The following NKTR variants were observed in gnomAD, a reference collection of about 807,000 sequenced individuals.
NKTR encodes the protein natural killer cell triggering receptor, also known as NK-tumor recognition protein.
Under a neutral mutation model 156.3 loss-of-function variants are expected in NKTR, and 67 were observed. The ratio of observed to expected loss-of-function variants is 0.43; its 90% confidence interval spans 0.35 to 0.53. The LOEUF (loss-of-function observed/expected upper bound fraction) is 0.53, where lower values mean the gene tolerates loss of function less well. NKTR is among the 20% of genes least tolerant of loss of function. The probability of loss-of-function intolerance (pLI) is 0.01; values close to 1 mark genes in which losing one functional copy is unlikely to be tolerated. For synonymous variants in NKTR, 640 were observed against 596.6 expected, an observed-to-expected ratio of 1.07 and a Z score of -1.06; for missense variants, 1,604 against 1,730.9, an observed-to-expected ratio of 0.93 and a Z score of 1.30.
chr3:42,600,960 C>T lies in NKTR; in HGVS notation c.-23-24C>T, dbSNP rs1033950652. The T allele has an allele frequency of 4.7e-6, 7 of 1,490,400 alleles. No individual in the cohort carries two copies. The African/African-American group carries it at 5.7e-5, about 12-fold the overall frequency. The allele number at this position is 1,490,400 out of a possible 1,614,324, so 92.3% of individuals were successfully genotyped here. On this transcript the variant is annotated intron_variant, in intron 1 of 16. Transcript: ENST00000232978. ...CCCCCGCCCTCGCCCCTGCCCTGACCGCTTTTCTCCCCCTCTCTCCCAGCT... is the reference window on the plus strand; with the variant it reads ...CCCCCGCCCTCGCCCCTGCCCTGACTGCTTTTCTCCCCCTCTCTCCCAGCT...
At chr3:42,606,105 G>T (rs1706207448) in intron 2 of NKTR, among the ~76,000 whole-genome samples, 1 of 152,130 alleles carries the variant, frequency 6.6e-6, no homozygotes, top group Non-Finnish European at 1.5e-5. Context: ...ACAGTGCTGG[G>T]AATGGAGGCA....
chr3:42,620,241 A>C, intron 5 of NKTR: 1 of 1,266,086 alleles, frequency 7.9e-7, no homozygotes, highest in Non-Finnish European at 9.9e-7. Context: ...CACATCAGAG[A>C]AAAGAGTCTA....
chr3:42,642,059 T>TCA (rs1553672431), intron 13 of NKTR, among the ~76,000 whole-genome samples: 1 of 152,058 alleles, frequency 6.6e-6, no homozygotes, highest in Non-Finnish European at 1.5e-5. Context: ...TAAAATACTT[T>TCA]TATATATATA....
At chr3:42,631,429 C>G (rs1708886375) in intron 8 of NKTR, 113 bp downstream of exon 8, 1 of 1,156,972 alleles carries the variant, frequency 8.6e-7, no homozygotes, top group Non-Finnish European at 1.2e-6. Flanking sequence ...CTTGGTGCCC[C>G]TGAATCATAC....
At chr3:42,632,091 CAA>C (rs1708967936) in intron 8 of NKTR, among the ~76,000 whole-genome samples, 1 of 100,764 alleles carries the variant, frequency 9.9e-6, no homozygotes, top group Non-Finnish European at 1.8e-5. Context: ...TTTTTTGAGA[CAA>C]GAGTCTTGCT....
Position 42,638,507 on chromosome 3 carries a change from T to G in NKTR, c.2803T>G (p.Ser935Ala), listed in dbSNP as rs1709610416. ...IHIKVKPTTKSSTNTSLPDDN... is the reference protein window; with the variant it reads ...IHIKVKPTTKASTNTSLPDDN... ...CATCAAAGTCAAACCCACAACCAAG[T>G]CGTCCACAAATACTTCACTGCCTGA... is the stretch of plus-strand genomic sequence containing the variant. The change falls in exon 13 of 17, where the codon TCG (serine) becomes GCG (alanine). Residue 935 changes from serine to alanine, a missense_variant. Around this residue, in one of 6 missense-constraint regions of NKTR, gnomAD observed 1,255 missense variants for 1,243.7 expected, o/e 1.01. Transcript: ENST00000232978. 2 of 1,611,736 alleles carry G rather than the reference T, an allele frequency of 1.2e-6. No individual in the cohort carries two copies. Among genetic ancestry groups the G allele is most frequent in the Non-Finnish European group, 1.7e-6 (2 of 1,179,350 alleles).
chr3:42,638,654 A>T lies in NKTR; in HGVS notation c.2950A>T (p.Asn984Tyr). ...PQKHKHGSKE[N>Y]LKREHTKKVK... ...AAAGCACAAACATGGGTCAAAGGAA[A>T]ATCTTAAAAGAGAACACACCAAAAA... is the stretch of plus-strand genomic sequence containing the variant. Residue 984 changes from asparagine to tyrosine, a missense_variant, in exon 13 of 17, where the codon AAT (asparagine) becomes TAT (tyrosine). This residue lies in a region of NKTR where 1,255 missense variants were observed against 1,243.7 expected (regional missense o/e 1.01). Coordinates refer to ENST00000232978, the MANE Select transcript of NKTR (RefSeq NM_005385.4). 6.2e-7 allele frequency: 1 copy of T among 1,612,368 alleles called. No individual in the cohort carries two copies. The highest frequency in any genetic ancestry group is 8.5e-7 in the Non-Finnish European group (1 of 1,179,604).
At position 42,617,654 on chromosome 3, in the gene NKTR, T is replaced by C; in HGVS notation, c.133+10T>C. ...CTTTGCTTGTGCTCAGGTAAGTGAATTATTATTTCCAATGAGAAGCTGTGG... is the reference window on the plus strand; with the variant it reads ...CTTTGCTTGTGCTCAGGTAAGTGAACTATTATTTCCAATGAGAAGCTGTGG... On this transcript the variant is annotated intron_variant, in intron 3 of 16. Transcript: ENST00000232978. 2 of 1,482,600 alleles carry C rather than the reference T, an allele frequency of 1.3e-6. No homozygotes were observed. The highest frequency in any genetic ancestry group is 1.4e-5 in the African/African-American group (1 of 72,366). The allele number at this position is 1,482,600 out of a possible 1,614,324, so 91.8% of individuals were successfully genotyped here. A position where few individuals can be genotyped will look rare whatever the true frequency, so the allele number is the denominator to read the frequency against.
intron 6 of NKTR, chr3:42,630,128 C>G (rs1708756097): frequency 1.3e-5 from 13 of 993,450 alleles, no homozygotes; most frequent in Non-Finnish European, 1.4e-5. Context: ...TAATCACTTT[C>G]TTTCCATAGG....
In NKTR at chr3:42,604,659, C is replaced by CTTTTTTTTTTTTTTTTTT. The variant is rs71072726; in HGVS notation, c.58+3617_58+3634dup. ...AATTGTGGATTTATCTATTTCTCTC[C>CTTTTTTTTTTTTTTTTTT]TTTTTTTTTTTTTTTTTTTTTTTTT... On this transcript the variant is annotated intron_variant, in intron 2 of 16. Transcript: ENST00000232978. Among the ~76,000 whole-genome samples the CTTTTTTTTTTTTTTTTTT allele has an allele frequency of 2.6e-4, 12 of 45,292 alleles. 5 individuals are homozygous for CTTTTTTTTTTTTTTTTTT. Among genetic ancestry groups the CTTTTTTTTTTTTTTTTTT allele is most frequent in the East Asian group, 9.7e-4 (2 of 2,070 alleles). 29.7% of individuals were successfully genotyped at this position (45,292 alleles called of 152,430 possible).
chr3:42,641,093 AG>A (rs1283947321), intron 13 of NKTR, among the ~76,000 whole-genome samples: 1 of 152,222 alleles, frequency 6.6e-6, no homozygotes, highest in Non-Finnish European at 1.5e-5. Context: ...TGCAGCTAAC[AG>A]GTAGTAGACT....
rs1239770878 is a variant in NKTR at position 42,630,531 on chromosome 3, A to T, written c.375-15A>T. The T allele has an allele frequency of 6.2e-7, 1 of 1,613,182 alleles. No individual in the cohort carries two copies. The highest frequency in any genetic ancestry group is 2.2e-5 in the East Asian group (1 of 44,828). On this transcript the variant is annotated splice_polypyrimidine_tract_variant and intron_variant, in intron 6 of 16. Transcript: ENST00000232978. ...CGTGTTTGACATCATCTTTGTGTTGATGTTTATTACATAGTACCACAAAGC... is the reference window on the plus strand; with the variant it reads ...CGTGTTTGACATCATCTTTGTGTTGTTGTTTATTACATAGTACCACAAAGC...
intron 6 of NKTR, among the ~76,000 whole-genome samples, chr3:42,621,890 G>C (rs1306952604): frequency 6.6e-6 from 1 of 151,944 alleles, no homozygotes; most frequent in Non-Finnish European, 1.5e-5. Context: ...TTCAGTTACT[G>C]TACCCCCTCA....
intron 13 of NKTR, among the ~76,000 whole-genome samples, chr3:42,641,874 C>CA (rs35450151): frequency 0.029 from 3,179 of 110,180 alleles, 53 homozygotes; most frequent in African/African-American, 0.049. Context: ...CAAGACTCCT[C>CA]AAAAAAAAAA....
chr3:42,629,269 A>G, intron 6 of NKTR: 2 of 975,024 alleles, frequency 2.1e-6, no homozygotes, highest in Non-Finnish European at 2.4e-6. Flanking sequence ...ATTGGCATGA[A>G]TTTCCACTTT....
chr3:42,620,863 C>A, intron 5 of NKTR: 1 of 974,418 alleles, frequency 1.0e-6, no homozygotes, highest in Non-Finnish European at 1.2e-6. Context: ...TTTTGTTTCA[C>A]AGGGCTTTCT....
chr3:42,623,065 T>C (rs1244368922), intron 6 of NKTR, among the ~76,000 whole-genome samples: 2 of 152,014 alleles, frequency 1.3e-5, no homozygotes, highest in Non-Finnish European at 2.9e-5. Context: ...ATAAACTAAT[T>C]AAAATTCAGT....
rs1709482912 is a variant in NKTR, at chr3:42,637,016, C to T, written c.1312C>T (p.His438Tyr). The part of the protein sequence containing the change: ...KKRRKEKKVK[H>Y]KKKGKKQKHC... Reference sequence around the variant, plus strand: ...ACGCAGAAAAGAAAAAAAGGTTAAGCATAAAAAGAAAGGGAAAAAGCAGAA... The same window carrying T: ...ACGCAGAAAAGAAAAAAAGGTTAAGTATAAAAAGAAAGGGAAAAAGCAGAA... The change falls in exon 13 of 17, where the codon CAT becomes TAT. Residue 438 changes from histidine (H) to tyrosine (Y), a missense_variant. Physicochemically the swap from His to Tyr is moderately conservative, Grantham distance 83. Around this residue, in one of 6 missense-constraint regions of NKTR, gnomAD observed 1,255 missense variants for 1,243.7 expected, o/e 1.01. Transcript: ENST00000232978. 6.2e-7 allele frequency: 1 copy of T among 1,612,348 alleles called. No individual in the cohort carries two copies. Among genetic ancestry groups the T allele is most frequent in the Non-Finnish European group, 8.5e-7 (1 of 1,179,648 alleles).
Position 42,637,814 on chromosome 3 carries a change from A to C in NKTR, c.2110A>C (p.Arg704=). The part of the protein sequence containing the change: ...SRSSRSRSYS[R]SYTRSRSLAS... ...ATCTTCTAGGAGTAGATCTTATTCC[A>C]GATCATATACAAGATCACGTAGTCT... is the stretch of plus-strand genomic sequence containing the variant. The change falls in exon 13 of 17, where the codon AGA becomes CGA. Residue 704 remains arginine (R), a synonymous_variant. Coordinates refer to ENST00000232978, the MANE Select transcript of NKTR (RefSeq NM_005385.4). The C allele has an allele frequency of 6.2e-7, 1 of 1,613,958 alleles. No homozygotes were observed. The highest frequency in any genetic ancestry group is 8.5e-7 in the Non-Finnish European group (1 of 1,179,922).
Sources: allele counts gnomAD v4.1 joint callset (sites outside exome capture counted in the v4.1 genomes callset), GRCh38; gene constraint gnomAD v4.1.1; regional missense constraint gnomAD v4.1.1; transcripts MANE v1.5; gene names NCBI Gene and HGNC (gene_info 2026-07-23, HGNC 2026-07-21).